CACNA1D: variants seen among roughly 807,000 people sequenced by gnomAD.
The protein encoded by CACNA1D is voltage-dependent L-type calcium channel subunit alpha-1D.
In CACNA1D, 55 loss-of-function variants were observed where a neutral mutation model predicts 257.1. The observed-to-expected ratio is 0.21, with a 90% confidence interval of 0.17 to 0.27. The LOEUF (loss-of-function observed/expected upper bound fraction) is 0.27. CACNA1D is among the 10% of genes least tolerant of loss of function. The pLI is 1.00. For missense variants in CACNA1D, 1,876 were observed against 2,784.0 expected (o/e 0.67, Z 7.34); for synonymous variants, 980 against 1,014.9 (o/e 0.97, Z 0.65).
At chr3:53,762,388 A>G (rs1171178353) in intron 30 of CACNA1D, among the ~76,000 whole-genome samples, 1 of 152,244 alleles carries the variant, frequency 6.6e-6, no homozygotes, top group African/African-American at 2.4e-5. Flanking sequence ...GTCAGAAGTG[A>G]TACCCACAGT....
At chr3:53,548,686 C>T (rs917952890) in intron 3 of CACNA1D, among the ~76,000 whole-genome samples, 1 of 152,144 alleles carries the variant, frequency 6.6e-6, no homozygotes, top group Non-Finnish European at 1.5e-5. Flanking sequence ...CTCTCCCTTT[C>T]TGATTTGTGT....
chr3:53,657,631 A>G (rs2094161342), intron 4 of CACNA1D, among the ~76,000 whole-genome samples: 1 of 152,226 alleles, frequency 6.6e-6, no homozygotes, highest in Non-Finnish European at 1.5e-5. Flanking sequence ...ACATCAGATT[A>G]TTTTTTATCT....
chr3:53,576,102 G>A (rs6778380), intron 3 of CACNA1D, among the ~76,000 whole-genome samples: 4,426 of 152,166 alleles, frequency 0.029, 217 homozygotes, highest in African/African-American at 0.1. Context: ...TTGCCTTATC[G>A]GCTGTCCTGG....
chr3:53,744,689 C>G (rs1398571857), intron 22 of CACNA1D, 51 bp from the exon 23 acceptor site: 2 of 958,838 alleles, frequency 2.1e-6, no homozygotes, highest in Non-Finnish European at 3.4e-6. Flanking sequence ...CTCAAAGCAT[C>G]CTGTCCATTT....
At chr3:53,750,311 G>A (rs534538054) in intron 27 of CACNA1D, among the ~76,000 whole-genome samples, 9 of 152,338 alleles carry the variant, frequency 5.9e-5, no homozygotes, top group African/African-American at 1.7e-4. Flanking sequence ...AGGGCATTAA[G>A]GAGCTGCTCT....
At chr3:53,727,480 G>A (rs1005975390) in intron 15 of CACNA1D, among the ~76,000 whole-genome samples, 2 of 152,106 alleles carry the variant, frequency 1.3e-5, no homozygotes, top group Non-Finnish European at 2.9e-5. Context: ...CCATCTTTGC[G>A]GATCAAGTGT....
intron 2 of CACNA1D, among the ~76,000 whole-genome samples, chr3:53,500,004 C>A (rs1054967208): frequency 6.6e-6 from 1 of 151,976 alleles, no homozygotes; most frequent in Non-Finnish European, 1.5e-5. Flanking sequence ...AAAAAATAAA[C>A]CCATCAAAAT....
intron 3 of CACNA1D, among the ~76,000 whole-genome samples, chr3:53,569,220 T>G (rs1354150567): frequency 6.6e-6 from 1 of 152,210 alleles, no homozygotes; most frequent in Non-Finnish European, 1.5e-5. Flanking sequence ...GAGTTTCAAA[T>G]CCATCCAGAA....
chr3:53,805,210 C>A, intron 45 of CACNA1D, 64 bp downstream of exon 45: 1 of 1,514,936 alleles, frequency 6.6e-7, no homozygotes, highest in Non-Finnish European at 9.1e-7. Flanking sequence ...TCCCCCAACC[C>A]CCGCTCTGGG....
chr3:53,700,232 T>C (rs923775647), intron 8 of CACNA1D, among the ~76,000 whole-genome samples: 8 of 151,908 alleles, frequency 5.3e-5, no homozygotes, highest in African/African-American at 1.7e-4. Context: ...ATATATGATA[T>C]GGACCCAAAG....
At chr3:53,566,361 T>TAAC (rs1456411113) in intron 3 of CACNA1D, among the ~76,000 whole-genome samples, 1 of 152,182 alleles carries the variant, frequency 6.6e-6, no homozygotes, top group Non-Finnish European at 1.5e-5. Context: ...CTTCTGCCTG[T>TAAC]ATGTGCTTCC....
intron 3 of CACNA1D, among the ~76,000 whole-genome samples, chr3:53,588,079 TA>T (rs1351614196): frequency 3.9e-5 from 6 of 152,220 alleles, no homozygotes; most frequent in African/African-American, 1.4e-4. Context: ...GATTAAGACC[TA>T]GGGGTATTTC....
At chr3:53,653,614 A>C (rs994624295) in intron 4 of CACNA1D, among the ~76,000 whole-genome samples, 1 of 152,172 alleles carries the variant, frequency 6.6e-6, no homozygotes, top group African/African-American at 2.4e-5. Context: ...TATAGAAGGA[A>C]AAAATATCAG....
intron 4 of CACNA1D, among the ~76,000 whole-genome samples, chr3:53,655,360 A>G (rs571487346): frequency 1.5e-4 from 23 of 152,270 alleles, no homozygotes; most frequent in African/African-American, 5.5e-4. Context: ...GTCAAGTGGT[A>G]GTTCTGTTGT....
Position 53,511,750 on chromosome 3 carries a change from T to G in CACNA1D, c.483+10030T>G, listed in dbSNP as rs116024895. Among the ~76,000 whole-genome samples, 1,056 of 152,272 alleles carry G rather than the reference T, an allele frequency of 6.9e-3. 14 individuals are homozygous for G. The highest frequency in any genetic ancestry group is 0.024 in the African/African-American group (996 of 41,544). On this transcript the variant is annotated intron_variant, in intron 3 of 47. Transcript: ENST00000350061. ...ATTATTTAATCATTCATAAAGTACT[T>G]TTTAAAGCATTTATTACGGGTAAAA...
chr3:53,782,571 G>A (rs2095432004), intron 39 of CACNA1D: 1 of 152,142 alleles, frequency 6.6e-6, no homozygotes, highest in South Asian at 2.1e-4. Flanking sequence ...CGGTGACCGA[G>A]GCCCTGCCCC....
intron 9 of CACNA1D, among the ~76,000 whole-genome samples, chr3:53,716,086 C>G (rs919323706): frequency 6.6e-6 from 1 of 152,242 alleles, no homozygotes; most frequent in East Asian, 1.9e-4. Context: ...GCCACAAAGA[C>G]TTAGTCTTTT....
intron 3 of CACNA1D, among the ~76,000 whole-genome samples, chr3:53,587,721 A>G (rs1390755363): frequency 6.6e-6 from 1 of 152,198 alleles, no homozygotes; most frequent in African/African-American, 2.4e-5. Flanking sequence ...CAAGCTCAAA[A>G]TAGGAACCTG....
chr3:53,626,122 C>G (rs1321698130), intron 3 of CACNA1D, among the ~76,000 whole-genome samples: 1 of 152,202 alleles, frequency 6.6e-6, no homozygotes, highest in Admixed American at 6.5e-5. Flanking sequence ...TCTGTACTTT[C>G]TAATTAAAAG....
Sources: gnomAD v4.1 joint callset for allele counts (sites outside exome capture counted in the v4.1 genomes callset) on GRCh38, gnomAD v4.1.1 for gene constraint, MANE v1.5 for transcripts, NCBI Gene and HGNC (gene_info 2026-07-23, HGNC 2026-07-21) for gene names.